ABCB11: variants seen among roughly 807,000 people sequenced by gnomAD.
ABCB11 encodes the protein bile salt export pump.
A neutral mutation model predicts 148.0 loss-of-function variants in ABCB11; 95 were observed. The observed-to-expected ratio is 0.64, with a 90% CI of 0.54 to 0.76. The LOEUF (loss-of-function observed/expected upper bound fraction) is 0.76, where lower values mean the gene tolerates loss of function less well. Among genes scored for constraint, ABCB11 ranks in the 30% least tolerant of loss-of-function variants. The probability of loss-of-function intolerance (pLI) is 0.00; values close to 1 mark genes in which losing one functional copy is unlikely to be tolerated. For synonymous variants in ABCB11, 591 were observed against 555.4 expected, an observed-to-expected ratio of 1.06 and a Z score of -0.90; for missense variants, 1,523 against 1,617.8, an observed-to-expected ratio of 0.94 and a Z score of 1.01.
intron 7 of ABCB11, 138 bp from the exon 8 acceptor site, chr2:168,994,020 G>T: frequency 1.4e-6 from 1 of 710,804 alleles, no homozygotes; most frequent in Non-Finnish European, 2.2e-6. Context: ...CAGCCTCTCA[G>T]ATCTTGGAAA....
intron 25 of ABCB11, among the ~76,000 whole-genome samples, chr2:168,928,704 A>G (rs1691433100): frequency 6.6e-6 from 1 of 152,222 alleles, no homozygotes; most frequent in Non-Finnish European, 1.5e-5. Context: ...TGTACCTTGC[A>G]TAGTTCACAA....
At position 169,007,733 on chromosome 2, in the gene ABCB11, T is replaced by C. The variant is rs1014709919; in HGVS notation, c.389+5539A>G. On this transcript the variant is annotated intron_variant, in intron 5 of 27. Coordinates refer to ENST00000650372, the MANE Select transcript of ABCB11 (RefSeq NM_003742.4). Reference sequence around the variant, plus strand: ...ATTATCAAGACCTTGGATTTGGCAATGGTTTCTTAGATATGACACCAATTC... The same window carrying C: ...ATTATCAAGACCTTGGATTTGGCAACGGTTTCTTAGATATGACACCAATTC... Among the ~76,000 whole-genome samples, 10 of 152,140 alleles carry C rather than the reference T, an allele frequency of 6.6e-5. 2 individuals carry two copies. The highest frequency in any genetic ancestry group is 6.5e-4 in the Admixed American group (10 of 15,272).
chr2:169,030,615 A>G (rs888022716), intron 1 of ABCB11, among the ~76,000 whole-genome samples: 2 of 152,202 alleles, frequency 1.3e-5, no homozygotes, highest in African/African-American at 2.4e-5. Flanking sequence ...TGCTCAAGCC[A>G]TTAGCAATAT....
At position 168,927,208 on chromosome 2, in the gene ABCB11, A is replaced by G. The variant is rs1456787267; in HGVS notation, c.3566T>C (p.Ile1189Thr). The change falls in exon 26 of 28, where the codon ATA becomes ACA. Residue 1189 changes from isoleucine to threonine, a missense_variant. By Grantham distance (89) the Ile-to-Thr change is moderately conservative. Transcript: ENST00000650372. Reference protein sequence around the residue: ...NTKEIPMERVIAAAKQAQLHD... With the variant: ...NTKEIPMERVTAAAKQAQLHD... ...CAGCTGAGCCTGTTTTGCAGCTGCT[A>G]TGACTCTTTCCATGGGAATTTCTTT... is the stretch of plus-strand genomic sequence containing the variant. The G allele has an allele frequency of 6.2e-7, 1 of 1,613,730 alleles. No homozygotes were observed. Among genetic ancestry groups the G allele is most frequent in the Non-Finnish European group, 8.5e-7 (1 of 1,179,782 alleles).
At chr2:169,006,652 T>TA (rs1369118589) in intron 5 of ABCB11, among the ~76,000 whole-genome samples, 6 of 151,992 alleles carry the variant, frequency 3.9e-5, no homozygotes, top group African/African-American at 1.2e-4. Context: ...TGGTCTTGTA[T>TA]AAAAAATCCT....
At chr2:168,955,435 G>A (rs548612883) in intron 19 of ABCB11, among the ~76,000 whole-genome samples, 53 of 151,642 alleles carry the variant, frequency 3.5e-4, no homozygotes, top group Non-Finnish European at 7.2e-4. Flanking sequence ...GACCAAAGCA[G>A]GAGGAAGAAA....
At chr2:168,971,419 T>C (rs1693574075) in intron 14 of ABCB11, among the ~76,000 whole-genome samples, 1 of 152,070 alleles carries the variant, frequency 6.6e-6, no homozygotes, top group Non-Finnish European at 1.5e-5. Context: ...GAATTGTTTT[T>C]GACACAATAT....
Position 168,923,738 on chromosome 2 carries a change from C to A in ABCB11, c.3850G>T (p.Asp1284Tyr), listed in dbSNP as rs766784155. Residue 1284 changes from aspartate (D) to tyrosine (Y), a missense_variant, in exon 28 of 28, where the codon GAT (aspartate) becomes TAT (tyrosine). Transcript: ENST00000650372. The part of the protein sequence containing the change: ...AHRLSTIQNA[D>Y]IIAVMAQGVV... The stretch of plus-strand genomic sequence containing the variant: ...CCCTGTGCCATGACAGCAATGATAT[C>A]CGCGTTCTGGATGGTGGACAAGCGA... The A allele has an allele frequency of 2.5e-6, 4 of 1,613,812 alleles. No individual in the cohort carries two copies. Among genetic ancestry groups the A allele is most frequent in the Non-Finnish European group, 3.4e-6 (4 of 1,179,866 alleles).
intron 19 of ABCB11, among the ~76,000 whole-genome samples, chr2:168,949,735 A>G (rs1385555216): frequency 6.6e-6 from 1 of 151,502 alleles, no homozygotes; most frequent in Non-Finnish European, 1.5e-5. Flanking sequence ...CTGAGTGACA[A>G]CTTGATTGAA....
chr2:169,012,561 G>A (rs1695218094), intron 5 of ABCB11, among the ~76,000 whole-genome samples: 2 of 151,844 alleles, frequency 1.3e-5, no homozygotes, highest in African/African-American at 4.8e-5. Flanking sequence ...CCAAAATGGT[G>A]AAACCCCATC....
At chr2:168,987,723 G>T (rs541501837) in intron 9 of ABCB11, among the ~76,000 whole-genome samples, 5 of 152,274 alleles carry the variant, frequency 3.3e-5, no homozygotes, top group African/African-American at 1.2e-4. Context: ...GAGCCACTGT[G>T]CCCAGCCTGT....
intron 1 of ABCB11, among the ~76,000 whole-genome samples, chr2:169,030,862 C>G (rs1695845557): frequency 6.6e-6 from 1 of 152,150 alleles, no homozygotes; most frequent in East Asian, 1.9e-4. Flanking sequence ...TCAGAGCAAA[C>G]AGAATTGTGC....
chr2:169,012,790 G>C (rs1311239019), intron 5 of ABCB11, among the ~76,000 whole-genome samples: 1 of 150,910 alleles, frequency 6.6e-6, no homozygotes, highest in Non-Finnish European at 1.5e-5. Context: ...TACTGGTTGA[G>C]ACTAGTGTAC....
chr2:168,918,487 ATGAG>A (rs1690987010), downstream of ABCB11, among the ~76,000 whole-genome samples: 1 of 152,224 alleles, frequency 6.6e-6, no homozygotes, highest in African/African-American at 2.4e-5. Context: ...GCATGCATGT[ATGAG>A]TGTGTGTGCA....
chr2:169,008,654 G>A (rs577166925), intron 5 of ABCB11, among the ~76,000 whole-genome samples: 1 of 152,324 alleles, frequency 6.6e-6, no homozygotes, highest in Non-Finnish European at 1.5e-5. Flanking sequence ...AAGTGCTGGT[G>A]AGGATGTGGA....
At chr2:168,933,560 G>T (rs1319528868) in intron 23 of ABCB11, among the ~76,000 whole-genome samples, 1 of 152,204 alleles carries the variant, frequency 6.6e-6, no homozygotes, top group Non-Finnish European at 1.5e-5. Context: ...ATGTGTCTTT[G>T]TGTGTCACAC....
chr2:168,920,259 A>G (rs145402999), downstream of ABCB11, among the ~76,000 whole-genome samples: 168 of 152,126 alleles, frequency 1.1e-3, 1 homozygote, highest in African/African-American at 3.8e-3. Context: ...AAAATTTCAT[A>G]CTGTGCCCAA....
chr2:168,971,740 G>C lies in ABCB11; in HGVS notation c.1638+107C>G, dbSNP rs191503872. The C allele has an allele frequency of 2.0e-5, 21 of 1,074,802 alleles. No individual in the cohort carries two copies. In the Admixed American group the frequency reaches 3.6e-4, roughly 19 times the overall value. 66.6% of individuals were successfully genotyped at this position (1,074,802 alleles called of 1,614,324 possible). A position where few individuals can be genotyped will look rare whatever the true frequency, so the allele number is the denominator to read the frequency against. ...GGCATGAAACTAAAACATGGCTTAAGAATTTAATGACTTGGGAATCATACG... is the reference window on the plus strand; with the variant it reads ...GGCATGAAACTAAAACATGGCTTAACAATTTAATGACTTGGGAATCATACG... On this transcript the variant is annotated intron_variant, in intron 14 of 27. Transcript: ENST00000650372.
intron 5 of ABCB11, among the ~76,000 whole-genome samples, chr2:169,008,686 T>A (rs1033539214): frequency 2.6e-5 from 4 of 152,134 alleles, no homozygotes; most frequent in African/African-American, 9.7e-5. Context: ...CCTCATACAC[T>A]GTTAGCAGAA....
Sources: gnomAD v4.1 joint callset for allele counts (sites outside exome capture counted in the v4.1 genomes callset) on GRCh38, gnomAD v4.1.1 for gene constraint, MANE v1.5 for transcripts, NCBI Gene and HGNC (gene_info 2026-07-23, HGNC 2026-07-21) for gene names.